Variants in ATP6V0A1 observed in about 807,000 individuals in gnomAD.
ATP6V0A1 encodes ATPase H+ transporting V0 subunit a1, also known as V-type proton ATPase 116 kDa subunit a 1.
A neutral mutation model predicts 105.4 loss-of-function variants in ATP6V0A1; 43 were observed. The ratio of observed to expected loss-of-function variants is 0.41; its 90% CI spans 0.32 to 0.53. ATP6V0A1 has a LOEUF of 0.53. Ranked by LOEUF, ATP6V0A1 falls within the 20% of genes least tolerant of loss-of-function variation. The pLI is 0.30. For synonymous variants in ATP6V0A1, 362 were observed against 372.8 expected, an observed-to-expected ratio of 0.97 and a Z score of 0.33; for missense variants, 676 against 1,051.1, an observed-to-expected ratio of 0.64 and a Z score of 4.93.
rs11870357 is a variant in ATP6V0A1 at position 42,521,136 on chromosome 17, G to A, written c.*16G>A. On this transcript the variant is annotated 3_prime_UTR_variant, in exon 22 of 22. Transcript: ENST00000343619. This position sits in a 1 kb window ranked among gnomAD's most constrained non-coding sequence, Gnocchi z 4.8. ...TGAAGAGTGAGTCCCTGTGAGGGCC[G>A]TGTGCCCCATGCTACCCTCCCCGCC... The A allele has an allele frequency of 0.011, 16,835 of 1,586,952 alleles. 1,605 individuals are homozygous for A. In the African/African-American group the frequency reaches 0.2, roughly 19 times the overall value.
At chr17:42,515,698 G>A (rs747132620) in intron 21 of ATP6V0A1, among the ~76,000 whole-genome samples, 14 of 152,178 alleles carry the variant, frequency 9.2e-5, no homozygotes, top group Non-Finnish European at 1.9e-4. Flanking sequence ...TGAGGCAGGA[G>A]AATCGCTTGA....
chr17:42,513,691 C>G (rs2092463294), intron 19 of ATP6V0A1, 170 bp from the exon 20 acceptor site: 1 of 654,244 alleles, frequency 1.5e-6, no homozygotes, highest in Non-Finnish European at 2.7e-6. Flanking sequence ...AAATCACCAC[C>G]TGAGCTCAAC....
chr17:42,466,426 C>G lies in ATP6V0A1; in HGVS notation c.118-3C>G. The G allele has an allele frequency of 6.2e-7, 1 of 1,604,184 alleles. No individual in the cohort carries two copies. Among genetic ancestry groups the G allele is most frequent in the Admixed American group, 1.7e-5 (1 of 59,898 alleles). On this transcript the variant is annotated splice_region_variant and splice_polypyrimidine_tract_variant and intron_variant, in intron 2 of 21. Coordinates refer to ENST00000343619, the MANE Select transcript of ATP6V0A1 (RefSeq NM_001130021.3). ...TGTTTGGTATTGTGTTTTTATTTTTCAGTTAAATCCAGATGTGAATGTTTT... is the reference window on the plus strand; with the variant it reads ...TGTTTGGTATTGTGTTTTTATTTTTGAGTTAAATCCAGATGTGAATGTTTT...
chr17:42,504,029 A>C (rs762054751), intron 17 of ATP6V0A1, among the ~76,000 whole-genome samples: 1 of 152,150 alleles, frequency 6.6e-6, no homozygotes, highest in Non-Finnish European at 1.5e-5. Flanking sequence ...AAGTCTTGCG[A>C]CTTCTTCTGT....
At chr17:42,461,432 A>G (rs1157165152) in intron 2 of ATP6V0A1, among the ~76,000 whole-genome samples, 1 of 152,224 alleles carries the variant, frequency 6.6e-6, no homozygotes, top group African/African-American at 2.4e-5. Context: ...CTGAATATTC[A>G]TTATTTTGGA....
At chr17:42,475,596 A>G (rs189158151) in intron 5 of ATP6V0A1, among the ~76,000 whole-genome samples, 34 of 152,234 alleles carry the variant, frequency 2.2e-4, no homozygotes, top group Admixed American at 7.2e-4. Context: ...TCTTCTTCCA[A>G]TGTGGCCCAG....
At chr17:42,480,498 T>C in intron 7 of ATP6V0A1, 169 bp from the exon 8 acceptor site, 1 of 561,134 alleles carries the variant, frequency 1.8e-6, no homozygotes, top group Non-Finnish European at 3.1e-6. Context: ...GGGCAGATGT[T>C]CTTGTAGTGA....
intron 9 of ATP6V0A1, among the ~76,000 whole-genome samples, chr17:42,486,240 G>A (rs1457532420): frequency 1.3e-5 from 2 of 151,920 alleles, no homozygotes; most frequent in Non-Finnish European, 2.9e-5. Flanking sequence ...GTGAAACCCC[G>A]TCTCTACTAA....
At chr17:42,488,144 A>T (rs930315525) in intron 10 of ATP6V0A1, among the ~76,000 whole-genome samples, 1 of 152,200 alleles carries the variant, frequency 6.6e-6, no homozygotes, top group Non-Finnish European at 1.5e-5. Flanking sequence ...GGAGAGTTCC[A>T]ACTATGGAGT....
At chr17:42,465,703 C>T (rs2086963334) in intron 2 of ATP6V0A1, among the ~76,000 whole-genome samples, 1 of 151,800 alleles carries the variant, frequency 6.6e-6, no homozygotes, top group African/African-American at 2.4e-5. Flanking sequence ...GTGGCTCATG[C>T]CTGCAATCCC....
rs201673761 is a variant in ATP6V0A1 at position 42,490,446 on chromosome 17, G to A, written c.1024-41G>A. 18 of 1,554,172 alleles carry A rather than the reference G, an allele frequency of 1.2e-5. No individual in the cohort carries two copies. The African/African-American group carries it at 1.9e-4, about 17-fold the overall frequency. ...CCTGTGTAACCACTACCACAATTAG[G>A]AGGATAACCTAAGTTTGATAAATGT... On this transcript the variant is annotated intron_variant, in intron 10 of 21. Transcript: ENST00000343619.
At chr17:42,477,830 C>T in intron 6 of ATP6V0A1, 88 bp downstream of exon 6, 3 of 1,106,394 alleles carry the variant, frequency 2.7e-6, no homozygotes, top group Non-Finnish European at 4.0e-6. Flanking sequence ...GATTCACTTG[C>T]TACCAGGATA....
intron 1 of ATP6V0A1, chr17:42,460,577 C>G: frequency 3.8e-6 from 1 of 261,082 alleles, no homozygotes; most frequent in Non-Finnish European, 7.7e-6. Context: ...TGGATACATT[C>G]TTATCAGTTG....
At chr17:42,507,829 G>A (rs995767422) in intron 18 of ATP6V0A1, among the ~76,000 whole-genome samples, 2 of 152,162 alleles carry the variant, frequency 1.3e-5, no homozygotes, top group Non-Finnish European at 1.5e-5. Flanking sequence ...CCCAGAGCCC[G>A]CAGCAGTTTT....
chr17:42,503,119 CTTG>C (rs1445319621), intron 17 of ATP6V0A1, among the ~76,000 whole-genome samples: 3 of 152,162 alleles, frequency 2.0e-5, no homozygotes, highest in African/African-American at 7.2e-5. Context: ...AACAAAGTGG[CTTG>C]TTGTACCCTC....
At chr17:42,495,261 T>A in intron 13 of ATP6V0A1, 73 bp downstream of exon 13, 1 of 1,493,428 alleles carries the variant, frequency 6.7e-7, no homozygotes, top group Non-Finnish European at 9.2e-7. Flanking sequence ...AGACAAGTGG[T>A]AAACTGACAC....
At chr17:42,504,561 C>T (rs2091896661) in intron 17 of ATP6V0A1, among the ~76,000 whole-genome samples, 1 of 152,126 alleles carries the variant, frequency 6.6e-6, no homozygotes. Flanking sequence ...CTGAGGGTTG[C>T]CAGGTGGAAT....
intron 9 of ATP6V0A1, among the ~76,000 whole-genome samples, chr17:42,486,445 G>A (rs559591734): frequency 6.6e-6 from 1 of 151,530 alleles, no homozygotes; most frequent in Non-Finnish European, 1.5e-5. Context: ...TATTAAGCCA[G>A]TGGAATGTAA....
rs1324382331 is a variant in ATP6V0A1 at position 42,489,076 on chromosome 17, G to T, written c.1024-1411G>T. 1.5e-4 allele frequency among the ~76,000 whole-genome samples: 21 copies of T among 137,970 alleles called. No individual in the cohort carries two copies. The South Asian group carries it at 3.5e-3, about 23-fold the overall frequency. The allele number at this position is 137,970 out of a possible 152,430, so 90.5% of individuals were successfully genotyped here. A position where few individuals can be genotyped will look rare whatever the true frequency, so the allele number is the denominator to read the frequency against. ...ATCAAAGCAGTTTTTTTGTTTTTTG[G>T]TTTTTTTTTTTTTGAGATGGAGTTT... On this transcript the variant is annotated intron_variant, in intron 10 of 21. Coordinates refer to ENST00000343619, the MANE Select transcript of ATP6V0A1 (RefSeq NM_001130021.3).
Sources: gnomAD v4.1 joint callset for allele counts (sites outside exome capture counted in the v4.1 genomes callset) on GRCh38, gnomAD v4.1.1 for gene constraint, Gnocchi (gnomAD v3.1) non-coding constraint, MANE v1.5 for transcripts, NCBI Gene and HGNC (gene_info 2026-07-23, HGNC 2026-07-21) for gene names.